The following RBM19 variants were observed in gnomAD, a reference collection of about 807,000 sequenced individuals.
The protein encoded by RBM19 is RNA binding motif protein 19.
In RBM19, 94 loss-of-function variants were observed where a neutral mutation model predicts 116.8. That is an observed-to-expected ratio of 0.80 (90% CI 0.68 to 0.95). The LOEUF (loss-of-function observed/expected upper bound fraction) is 0.95. Ranked by LOEUF, RBM19 falls within the 40% of genes least tolerant of loss-of-function variation. The probability of loss-of-function intolerance (pLI) is 0.00; values close to 1 mark genes in which losing one functional copy is unlikely to be tolerated. For missense variants in RBM19, 1,161 were observed against 1,220.7 expected, an observed-to-expected ratio of 0.95 and a Z score of 0.73; for synonymous variants, 475 against 494.1, an observed-to-expected ratio of 0.96 and a Z score of 0.51.
At chr12:113,826,731 A>G (rs2135682080) in intron 23 of RBM19, among the ~76,000 whole-genome samples, 1 of 152,356 alleles carries the variant, frequency 6.6e-6, no homozygotes, top group Middle Eastern at 3.4e-3. Flanking sequence ...GGCAATGCCC[A>G]GCCCCTGGCT....
Position 113,920,802 on chromosome 12 carries a change from C to A in RBM19, c.2306-112G>T, listed in dbSNP as rs59243773. On this transcript the variant is annotated intron_variant, in intron 18 of 23. Transcript: ENST00000261741. ...CGCTGTATTTCCTCTTCTTTTCATA[C>A]CCCCTTCATTCCCCCCAAAAATCTC... is the stretch of plus-strand genomic sequence containing the variant. 0.018 allele frequency: 16,708 copies of A among 927,906 alleles called. 1,850 individuals are homozygous for A. In the African/African-American group the frequency reaches 0.24, roughly 14 times the overall value. The allele number at this position is 927,906 out of a possible 1,614,324, so 57.5% of individuals were successfully genotyped here.
At chr12:113,902,167 G>C in intron 21 of RBM19, among the ~76,000 whole-genome samples, 1 of 152,178 alleles carries the variant, frequency 6.6e-6, no homozygotes, top group South Asian at 2.1e-4. Flanking sequence ...TGAGTTCCAT[G>C]AAATCTTATG....
Position 113,913,208 on chromosome 12 carries a change from G to A in RBM19, c.2558+1761C>T, listed in dbSNP as rs1051553726. On this transcript the variant is annotated intron_variant, in intron 21 of 23. Coordinates refer to ENST00000261741, the MANE Select transcript of RBM19 (RefSeq NM_016196.4). ...TCATTTCAGCGGGATATTATTTCCC[G>A]ATCAACATGCGCTCTTCTTAGCAAG... Among the ~76,000 whole-genome samples the A allele has an allele frequency of 6.6e-5, 10 of 152,124 alleles. No individual in the cohort carries two copies. In the South Asian group the frequency reaches 8.3e-4, roughly 13 times the overall value.
At chr12:113,889,962 C>G (rs971568060) in intron 21 of RBM19, among the ~76,000 whole-genome samples, 1 of 152,132 alleles carries the variant, frequency 6.6e-6, no homozygotes, top group African/African-American at 2.4e-5. Context: ...CCCTCCTTCT[C>G]CAGCTCCCCA....
At chr12:113,860,735 C>T (rs771951378) in intron 21 of RBM19, among the ~76,000 whole-genome samples, 16 of 152,306 alleles carry the variant, frequency 1.1e-4, no homozygotes, top group East Asian at 1.9e-4. Context: ...AGTGTCACCG[C>T]TCACTGTGCC....
At chr12:113,897,638 T>G (rs1432943284) in intron 21 of RBM19, among the ~76,000 whole-genome samples, 1 of 152,178 alleles carries the variant, frequency 6.6e-6, no homozygotes, top group African/African-American at 2.4e-5. Flanking sequence ...ATAGCAACAC[T>G]CTGTCTCTTA....
At chr12:113,883,599 C>T (rs1224493686) in intron 21 of RBM19, among the ~76,000 whole-genome samples, 2 of 152,256 alleles carry the variant, frequency 1.3e-5, no homozygotes, top group East Asian at 3.8e-4. Flanking sequence ...ATAGTGCCTA[C>T]AGATATTTTT....
intron 21 of RBM19, among the ~76,000 whole-genome samples, chr12:113,879,183 T>A (rs1879908001): frequency 1.3e-5 from 2 of 151,982 alleles, no homozygotes; most frequent in Admixed American, 6.6e-5. Context: ...CTCTGTGGGG[T>A]CCACCAGGGC....
intron 18 of RBM19, among the ~76,000 whole-genome samples, chr12:113,922,038 C>T (rs1254655890): frequency 6.6e-6 from 1 of 152,146 alleles, no homozygotes; most frequent in African/African-American, 2.4e-5. Flanking sequence ...CACATGTCCC[C>T]ACCCGCCTCC....
chr12:113,889,888 G>A (rs1880824979), intron 21 of RBM19, among the ~76,000 whole-genome samples: 1 of 149,358 alleles, frequency 6.7e-6, no homozygotes, highest in Non-Finnish European at 1.5e-5. Flanking sequence ...ATCAAGCTGA[G>A]GGGGAAAAAA....
At chr12:113,829,939 C>T (rs1357272907) in intron 23 of RBM19, among the ~76,000 whole-genome samples, 4 of 152,232 alleles carry the variant, frequency 2.6e-5, no homozygotes, top group East Asian at 3.9e-4. Flanking sequence ...CAGGCGCCTG[C>T]TGGCTCTAAG....
intron 23 of RBM19, among the ~76,000 whole-genome samples, chr12:113,824,042 T>G (rs1258262185): frequency 6.6e-6 from 1 of 152,144 alleles, no homozygotes; most frequent in East Asian, 1.9e-4. Flanking sequence ...AGGAGTTTTC[T>G]GTGAGGAGAG....
intron 22 of RBM19, among the ~76,000 whole-genome samples, chr12:113,855,247 C>T (rs550087614): frequency 2.6e-5 from 4 of 152,182 alleles, no homozygotes; most frequent in East Asian, 1.9e-4. Flanking sequence ...AGCAGGCAAA[C>T]GGACTGGTGG....
chr12:113,919,430 G>T (rs1882974877), intron 19 of RBM19, among the ~76,000 whole-genome samples: 1 of 152,210 alleles, frequency 6.6e-6, no homozygotes, highest in Non-Finnish European at 1.5e-5. Flanking sequence ...AATTAGCCGG[G>T]CTTGGTGGCG....
At position 113,823,042 on chromosome 12, in the gene RBM19, C is replaced by T; in HGVS notation, c.*182G>A. 1 of 601,240 alleles carries T rather than the reference C, an allele frequency of 1.7e-6. No homozygotes were observed. The highest frequency in any genetic ancestry group is 2.9e-6 in the Non-Finnish European group (1 of 341,374). The allele number at this position is 601,240 out of a possible 1,614,324, so 37.2% of individuals were successfully genotyped here. A position where few individuals can be genotyped will look rare whatever the true frequency, so the allele number is the denominator to read the frequency against. ...ACTGGTGAAACCCAGGATGCCTGGG[C>T]CGCTGGGCAGTGGCCTGAGGCCTTC... On this transcript the variant is annotated 3_prime_UTR_variant, in exon 24 of 24. Transcript: ENST00000261741.
intron 21 of RBM19, among the ~76,000 whole-genome samples, chr12:113,884,976 C>CG (rs1880424415): frequency 6.6e-6 from 1 of 152,062 alleles, no homozygotes; most frequent in Non-Finnish European, 1.5e-5. Flanking sequence ...AAGCCCTTCC[C>CG]GGGGGAGAAT....
At chr12:113,897,390 T>C (rs1326680812) in intron 21 of RBM19, among the ~76,000 whole-genome samples, 5 of 152,226 alleles carry the variant, frequency 3.3e-5, no homozygotes, top group Admixed American at 3.3e-4. Flanking sequence ...GGTCTCAAGC[T>C]CCTAACCTCA....
intron 14 of RBM19, 99 bp from the exon 15 acceptor site, chr12:113,940,259 A>G (rs1566030390): frequency 2.4e-6 from 3 of 1,265,276 alleles, no homozygotes; most frequent in South Asian, 1.4e-5. Context: ...AAGGCTCTCC[A>G]TTTGGAACCT....
At chr12:113,897,421 C>T (rs1881412715) in intron 21 of RBM19, among the ~76,000 whole-genome samples, 1 of 152,218 alleles carries the variant, frequency 6.6e-6, no homozygotes, top group Non-Finnish European at 1.5e-5. Flanking sequence ...CTACTTTGGC[C>T]TCCCAAAGCA....
Sources: allele counts gnomAD v4.1 joint callset (sites outside exome capture counted in the v4.1 genomes callset), GRCh38; gene constraint gnomAD v4.1.1; transcripts MANE v1.5; gene names NCBI Gene and HGNC (gene_info 2026-07-23, HGNC 2026-07-21).